The following DYNC2H1 variants were observed in gnomAD, a reference collection of about 807,000 sequenced individuals.
DYNC2H1 encodes the protein cytoplasmic dynein 2 heavy chain 1.
A neutral mutation model predicts 570.0 loss-of-function variants in DYNC2H1; 410 were observed. That is an observed-to-expected ratio of 0.72 (90% CI 0.66 to 0.78). The LOEUF (loss-of-function observed/expected upper bound fraction) is 0.78. Ranked by LOEUF, DYNC2H1 falls within the 30% of genes least tolerant of loss-of-function variation. The pLI, the probability that DYNC2H1 is intolerant of heterozygous loss-of-function variation, is 0.00. For synonymous variants in DYNC2H1, 1,688 were observed against 1,677.6 expected, an observed-to-expected ratio of 1.01 and a Z score of -0.15; for missense variants, 4,865 against 5,046.4, an observed-to-expected ratio of 0.96 and a Z score of 1.09.
chr11:103,410,008 T>C lies in DYNC2H1; in HGVS notation c.12366+10136T>C, dbSNP rs145601087. Among the ~76,000 whole-genome samples, 1,003 of 150,722 alleles carry C rather than the reference T, an allele frequency of 6.7e-3. 3 individuals are homozygous for C. Among genetic ancestry groups the C allele is most frequent in the Non-Finnish European group, 0.011 (751 of 67,962 alleles). ...GTTTAAGATTATTTGATAATGTCTT[T>C]AGTGAGGTTTGGAGTGAGAGTTGGC... On this transcript the variant is annotated intron_variant, in intron 84 of 88. Coordinates refer to ENST00000375735, the MANE Select transcript of DYNC2H1 (RefSeq NM_001377.3).
intron 60 of DYNC2H1, among the ~76,000 whole-genome samples, chr11:103,231,924 TATACTTATAGAGAA>T (rs1864028265): frequency 1.3e-5 from 2 of 151,864 alleles, no homozygotes; most frequent in African/African-American, 4.8e-5. Context: ...CTCACCAATA[TATACTTATAGAGAA>T]ATACTTATAG....
rs1859186824 is a variant in DYNC2H1, at chr11:103,129,882, A to G, written c.1953+877A>G. Among the ~76,000 whole-genome samples, 1 of 152,166 alleles carries G rather than the reference A, an allele frequency of 6.6e-6. No individual in the cohort carries two copies. The stretch of plus-strand genomic sequence containing the variant: ...TTGAAAGTGGATAACTAGTTGTGTC[A>G]GGATCCTCAGGACCACCCCAGATTC... On this transcript the variant is annotated intron_variant, in intron 13 of 88. Transcript: ENST00000375735. This position sits in a 1 kb window ranked among gnomAD's most constrained non-coding sequence, Gnocchi z 4.1.
Position 103,157,620 on chromosome 11 carries a change from C to T in DYNC2H1, c.4127+850C>T, listed in dbSNP as rs1240115548. ...GCCAAATACCTGTACAGAAGTATATCTGTACTTCTATTCTAATGTTCTGTA... is the reference window on the plus strand; with the variant it reads ...GCCAAATACCTGTACAGAAGTATATTTGTACTTCTATTCTAATGTTCTGTA... On this transcript the variant is annotated intron_variant, in intron 26 of 88. Transcript: ENST00000375735. This position sits in a 1 kb window ranked among gnomAD's most constrained non-coding sequence, Gnocchi z 4.2. Among the ~76,000 whole-genome samples, 1 of 152,212 alleles carries T rather than the reference C, an allele frequency of 6.6e-6. No homozygotes were observed.
chr11:103,138,306 A>C (rs920405397), intron 17 of DYNC2H1, among the ~76,000 whole-genome samples: 12 of 151,796 alleles, frequency 7.9e-5, no homozygotes, highest in South Asian at 4.2e-4. Flanking sequence ...GTCTTGTGCC[A>C]GTTTTCAAAG....
intron 13 of DYNC2H1, among the ~76,000 whole-genome samples, chr11:103,132,788 T>C (rs1279865668): frequency 1.3e-5 from 2 of 151,732 alleles, no homozygotes; most frequent in Non-Finnish European, 2.9e-5. Flanking sequence ...TGATACCTTG[T>C]TGTGAAAGTG....
At chr11:103,158,252 C>T (rs1032289977) in intron 26 of DYNC2H1, among the ~76,000 whole-genome samples, 18 of 152,074 alleles carry the variant, frequency 1.2e-4, no homozygotes, top group African/African-American at 2.7e-4. Context: ...TCGAGACCAT[C>T]GTGGCTAACA....
chr11:103,371,846 G>A (rs1010091745), intron 83 of DYNC2H1, among the ~76,000 whole-genome samples: 1 of 150,012 alleles, frequency 6.7e-6, no homozygotes, highest in Non-Finnish European at 1.5e-5. Flanking sequence ...ACAGTTTTTG[G>A]TGGAGTCTTT....
At chr11:103,455,455 C>A (rs544640238) in intron 86 of DYNC2H1, among the ~76,000 whole-genome samples, 160 bp downstream of exon 86, 1 of 152,024 alleles carries the variant, frequency 6.6e-6, no homozygotes, top group Non-Finnish European at 1.5e-5. Flanking sequence ...TACAGTTAAC[C>A]TTTAGCTTAA....
chr11:103,217,570 A>T (rs991824283), intron 55 of DYNC2H1, among the ~76,000 whole-genome samples: 1 of 152,202 alleles, frequency 6.6e-6, no homozygotes, highest in Admixed American at 6.5e-5. Flanking sequence ...CTTTTAACTT[A>T]CACAAAAATT....
chr11:103,143,599 A>G (rs1343522484), intron 18 of DYNC2H1, among the ~76,000 whole-genome samples: 1 of 152,148 alleles, frequency 6.6e-6, no homozygotes, highest in Non-Finnish European at 1.5e-5. Context: ...GCGGAGACCT[A>G]TTTAGGTAAA....
intron 84 of DYNC2H1, chr11:103,403,558 A>G (rs1391840499): frequency 1.3e-5 from 2 of 152,128 alleles, no homozygotes; most frequent in Admixed American, 1.3e-4. Flanking sequence ...GACAATAGGT[A>G]TAAAACCGTG....
intron 48 of DYNC2H1, among the ~76,000 whole-genome samples, chr11:103,198,809 C>A (rs1862604170): frequency 6.6e-6 from 1 of 152,076 alleles, no homozygotes; most frequent in South Asian, 2.1e-4. Flanking sequence ...CATTCCCAAG[C>A]AATGCGAAAG....
chr11:103,256,723 A>G lies in DYNC2H1; in HGVS notation c.10461+483A>G, dbSNP rs956869680. On this transcript the variant is annotated intron_variant, in intron 68 of 88. Transcript: ENST00000375735. The surrounding 1 kb of genome is among the most constrained non-coding windows in gnomAD (Gnocchi z 4.0). ...GACACCTGTTAGAGTCATCTTCTCTACCTCTAGTTCCATCAGTGTTCTTAT... is the reference window on the plus strand; with the variant it reads ...GACACCTGTTAGAGTCATCTTCTCTGCCTCTAGTTCCATCAGTGTTCTTAT... Among the ~76,000 whole-genome samples the G allele has an allele frequency of 6.6e-6, 1 of 152,016 alleles. No homozygotes were observed. The highest frequency in any genetic ancestry group is 1.5e-5 in the Non-Finnish European group (1 of 67,986).
At chr11:103,360,413 A>G (rs775476791) in intron 83 of DYNC2H1, among the ~76,000 whole-genome samples, 1 of 152,120 alleles carries the variant, frequency 6.6e-6, no homozygotes, top group African/African-American at 2.4e-5. Flanking sequence ...AGTACTTACT[A>G]TCATTACTTA....
chr11:103,278,653 G>A (rs1231716069), intron 70 of DYNC2H1, among the ~76,000 whole-genome samples: 1 of 151,924 alleles, frequency 6.6e-6, no homozygotes, highest in African/African-American at 2.4e-5. Context: ...TGCAATCTCC[G>A]CCTCCAGAGT....
At chr11:103,408,636 C>T (rs556617763) in intron 84 of DYNC2H1, among the ~76,000 whole-genome samples, 1 of 152,100 alleles carries the variant, frequency 6.6e-6, no homozygotes, top group South Asian at 2.1e-4. Context: ...AATTGTTGAA[C>T]AAATGAACCC....
chr11:103,205,682 G>A lies in DYNC2H1; in HGVS notation c.8454+718G>A, dbSNP rs558873407. On this transcript the variant is annotated intron_variant, in intron 52 of 88. Transcript: ENST00000375735. The surrounding 1 kb of genome is among the most constrained non-coding windows in gnomAD (Gnocchi z 4.5). ...TATATATGTTGAGGACATAGCAGACGAAAAAAAACCAGAGAGAAATCCCTG... is the reference window on the plus strand; with the variant it reads ...TATATATGTTGAGGACATAGCAGACAAAAAAAAACCAGAGAGAAATCCCTG... Among the ~76,000 whole-genome samples the A allele has an allele frequency of 9.9e-5, 15 of 151,898 alleles. No homozygotes were observed. The highest frequency in any genetic ancestry group is 3.1e-4 in the African/African-American group (13 of 41,452).
intron 83 of DYNC2H1, among the ~76,000 whole-genome samples, chr11:103,380,284 T>C (rs1941585596): frequency 6.6e-6 from 1 of 152,196 alleles, no homozygotes; most frequent in African/African-American, 2.4e-5. Flanking sequence ...AGGTTTCTCA[T>C]GTGTAAAAGA....
chr11:103,215,751 G>T lies in DYNC2H1; in HGVS notation c.8725G>T (p.Ala2909Ser). Reference protein sequence around the residue: ...AGVSKLNEAKALVDELNRKAG... With the variant: ...AGVSKLNEAKSLVDELNRKAG... ...TGTATCTAAACTAAATGAAGCTAAA[G>T]CTCTTGTGGATGAACTGAACAGAAA... Residue 2909 changes from alanine (A) to serine (S), a missense_variant, in exon 55 of 89, where the codon GCT (alanine) becomes TCT (serine). By Grantham distance (99) the Ala-to-Ser change is moderately conservative (BLOSUM62 1). This residue lies in a region of DYNC2H1 where 2,401 missense variants were observed against 2,454.6 expected (regional missense o/e 0.98). Transcript: ENST00000375735. 6.2e-7 allele frequency: 1 copy of T among 1,610,846 alleles called. No homozygotes were observed. Among genetic ancestry groups the T allele is most frequent in the Non-Finnish European group, 8.5e-7 (1 of 1,178,364 alleles).
Sources: gnomAD v4.1 joint callset for allele counts (sites outside exome capture counted in the v4.1 genomes callset) on GRCh38, gnomAD v4.1.1 for gene constraint, gnomAD v4.1.1 regional missense constraint, Gnocchi (gnomAD v3.1) non-coding constraint, MANE v1.5 for transcripts, NCBI Gene and HGNC (gene_info 2026-07-23, HGNC 2026-07-21) for gene names.